TAFA2: variants seen among roughly 807,000 people sequenced by gnomAD.
TAFA2 encodes TAFA chemokine like family member 2, also known as chemokine-like protein TAFA-2.
TAFA2 carries 7 observed loss-of-function variants against 18.8 expected under a neutral mutation model. That is an observed-to-expected ratio of 0.37 (90% CI 0.21 to 0.70). TAFA2 has a LOEUF of 0.70. Ranked by LOEUF, TAFA2 falls within the 30% of genes least tolerant of loss-of-function variation. The probability of loss-of-function intolerance (pLI) is 0.53; values close to 1 mark genes in which losing one functional copy is unlikely to be tolerated. For missense variants in TAFA2, 122 were observed against 158.1 expected, an observed-to-expected ratio of 0.77 and a Z score of 1.23; for synonymous variants, 60 against 54.2, an observed-to-expected ratio of 1.11 and a Z score of -0.47.
intron 4 of TAFA2, among the ~76,000 whole-genome samples, chr12:61,729,010 A>G (rs1870312666): frequency 6.7e-6 from 1 of 149,488 alleles, no homozygotes; most frequent in African/African-American, 2.4e-5. Flanking sequence ...GCTTAGTTTC[A>G]CTGAATACAA....
chr12:62,038,449 A>G (rs1881669536), intron 1 of TAFA2, among the ~76,000 whole-genome samples: 1 of 152,222 alleles, frequency 6.6e-6, no homozygotes, highest in South Asian at 2.1e-4. Flanking sequence ...AATACAAACT[A>G]TAAAAACTAT....
intron 2 of TAFA2, among the ~76,000 whole-genome samples, chr12:61,836,756 TACACACAC>T (rs58707678): frequency 7.5e-5 from 9 of 119,828 alleles, no homozygotes; most frequent in East Asian, 5.5e-4. Context: ...TATATATATA[TACACACAC>T]ACACACAAAT....
At chr12:62,153,465 CCAG>C (rs2062343783) in intron 1 of TAFA2, among the ~76,000 whole-genome samples, 1 of 152,040 alleles carries the variant, frequency 6.6e-6, no homozygotes, top group Non-Finnish European at 1.5e-5. Flanking sequence ...GAGTTTGAGA[CCAG>C]TCTGGGCAAC....
chr12:61,930,015 G>C (rs1306590626), intron 1 of TAFA2, among the ~76,000 whole-genome samples: 1 of 142,526 alleles, frequency 7.0e-6, no homozygotes, highest in Non-Finnish European at 1.5e-5. Flanking sequence ...TGGGGTGGGG[G>C]TAGGGGGGAG....
At chr12:62,141,287 A>G (rs1298288062) in intron 1 of TAFA2, among the ~76,000 whole-genome samples, 2 of 152,186 alleles carry the variant, frequency 1.3e-5, no homozygotes, top group African/African-American at 4.8e-5. Context: ...ATGTAGACTG[A>G]TCGTGTAATT....
chr12:61,938,471 G>A (rs1308930315), intron 1 of TAFA2, among the ~76,000 whole-genome samples: 1 of 152,004 alleles, frequency 6.6e-6, no homozygotes. Context: ...CCTACTTGAG[G>A]GTGGAGAATA....
chr12:62,154,852 AT>A (rs1441677347), intron 1 of TAFA2, among the ~76,000 whole-genome samples: 2 of 152,134 alleles, frequency 1.3e-5, no homozygotes, highest in Admixed American at 6.5e-5. Flanking sequence ...TTAAAAACAT[AT>A]GTGATTCACA....
At chr12:61,960,750 GT>G (rs1276646817) in intron 1 of TAFA2, among the ~76,000 whole-genome samples, 1 of 140,808 alleles carries the variant, frequency 7.1e-6, no homozygotes, top group African/African-American at 2.6e-5. Flanking sequence ...GTTTTTTAAA[GT>G]TTAGCCACTT....
intron 1 of TAFA2, among the ~76,000 whole-genome samples, chr12:62,224,906 ATAAG>A (rs934667648): frequency 6.6e-6 from 1 of 152,182 alleles, no homozygotes; most frequent in Admixed American, 6.5e-5. Context: ...AAATTAAAAA[ATAAG>A]TAATGGGCAA....
chr12:62,021,781 A>T (rs1258832898), intron 1 of TAFA2: 7 of 1,041,228 alleles, frequency 6.7e-6, no homozygotes, highest in Non-Finnish European at 1.1e-5. Context: ...AACACATGGC[A>T]CATGGCAGTG....
intron 1 of TAFA2, among the ~76,000 whole-genome samples, chr12:61,905,916 T>A (rs903736654): frequency 6.6e-6 from 1 of 152,222 alleles, no homozygotes; most frequent in African/African-American, 2.4e-5. Flanking sequence ...TTCAATACTT[T>A]AACAATTCAT....
chr12:62,051,732 G>A (rs1882059986), intron 1 of TAFA2, among the ~76,000 whole-genome samples: 2 of 151,764 alleles, frequency 1.3e-5, no homozygotes, highest in Non-Finnish European at 2.9e-5. Flanking sequence ...GGTGTGCATA[G>A]TGCCTGATTC....
intron 1 of TAFA2, among the ~76,000 whole-genome samples, chr12:61,974,356 C>A (rs1383685157): frequency 6.6e-6 from 1 of 151,656 alleles, no homozygotes; most frequent in Non-Finnish European, 1.5e-5. Flanking sequence ...ATCTCTAATT[C>A]CAATTCTAAG....
intron 1 of TAFA2, among the ~76,000 whole-genome samples, chr12:61,889,582 T>C (rs912251826): frequency 2.0e-5 from 3 of 152,222 alleles, no homozygotes; most frequent in Non-Finnish European, 2.9e-5. Flanking sequence ...CAGGAAAGAA[T>C]TGTTCTAAAT....
intron 1 of TAFA2, among the ~76,000 whole-genome samples, chr12:62,001,595 C>T (rs1199541816): frequency 6.6e-6 from 1 of 151,966 alleles, no homozygotes; most frequent in African/African-American, 2.4e-5. Context: ...TCTAATGCTG[C>T]CACTGATCTG....
At chr12:61,879,753 T>C in intron 1 of TAFA2, 1 of 1,315,414 alleles carries the variant, frequency 7.6e-7, no homozygotes, top group Non-Finnish European at 1.1e-6. Context: ...CAGAGCTACA[T>C]CAACAACCTT....
At chr12:62,186,265 C>T (rs911599156) in intron 1 of TAFA2, among the ~76,000 whole-genome samples, 7 of 152,114 alleles carry the variant, frequency 4.6e-5, no homozygotes, top group Admixed American at 1.3e-4. Flanking sequence ...AGGGCAACAC[C>T]GTTGCCCATT....
At chr12:61,905,705 A>G (rs2121328655) in intron 1 of TAFA2, among the ~76,000 whole-genome samples, 1 of 152,360 alleles carries the variant, frequency 6.6e-6, no homozygotes, top group African/African-American at 2.4e-5. Context: ...TCAATCAAGG[A>G]AAAGCTCTTG....
At chr12:62,258,148 TTAAG>T (rs2062949468) in intron 1 of TAFA2, 1 of 152,318 alleles carries the variant, frequency 6.6e-6, no homozygotes, top group East Asian at 1.9e-4. Flanking sequence ...GCTGTGAGAA[TTAAG>T]TTAGTATTTT....
Sources: gnomAD v4.1 joint callset for allele counts (sites outside exome capture counted in the v4.1 genomes callset) on GRCh38, gnomAD v4.1.1 for gene constraint, MANE v1.5 for transcripts, NCBI Gene and HGNC (gene_info 2026-07-23, HGNC 2026-07-21) for gene names.